Variants in PITPNC1 observed in about 807,000 individuals in gnomAD.
The protein encoded by PITPNC1 is phosphatidylinositol transfer protein cytoplasmic 1.
Under a neutral mutation model 44.7 loss-of-function variants are expected in PITPNC1, and 18 were observed. That is an observed-to-expected ratio of 0.40 (90% CI 0.28 to 0.60). PITPNC1 has a LOEUF of 0.60. Ranked by LOEUF, PITPNC1 falls within the 20% of genes least tolerant of loss-of-function variation. The probability of loss-of-function intolerance (pLI) is 0.39; values close to 1 mark genes in which losing one functional copy is unlikely to be tolerated. For synonymous variants in PITPNC1, 141 were observed against 149.6 expected (o/e 0.94, Z 0.42); for missense variants, 290 against 418.4 (o/e 0.69, Z 2.68).
In PITPNC1 at chr17:67,485,856, G is replaced by A. The variant is rs148371070; in HGVS notation, c.49-46946G>A. ...AAGCTGAAGGCTGTCTTCTGGGGGC[G>A]GCTTAAATGCATTAGATTAGTCTGC... On this transcript the variant is annotated intron_variant, in intron 1 of 8. Coordinates refer to ENST00000581322, the MANE Select transcript of PITPNC1 (RefSeq NM_012417.4). 4.6e-5 allele frequency among the ~76,000 whole-genome samples: 7 copies of A among 152,242 alleles called. No individual in the cohort carries two copies. The East Asian group carries it at 7.7e-4, about 17-fold the overall frequency.
intron 2 of PITPNC1, among the ~76,000 whole-genome samples, chr17:67,539,863 T>C (rs1012659942): frequency 1.3e-5 from 2 of 151,962 alleles, no homozygotes; most frequent in African/African-American, 4.8e-5. Flanking sequence ...CAAATGTATA[T>C]ATACACATAT....
chr17:67,453,552 G>T (rs917688525), intron 1 of PITPNC1, among the ~76,000 whole-genome samples: 1 of 152,140 alleles, frequency 6.6e-6, no homozygotes, highest in African/African-American at 2.4e-5. Flanking sequence ...ATTAGAGCAG[G>T]GGTCTGCAAA....
chr17:67,413,940 C>T (rs1407532530), intron 1 of PITPNC1, among the ~76,000 whole-genome samples: 1 of 152,128 alleles, frequency 6.6e-6, no homozygotes, highest in East Asian at 1.9e-4. Flanking sequence ...CAGGGACAAG[C>T]GTTCCAGGGA....
intron 5 of PITPNC1, among the ~76,000 whole-genome samples, chr17:67,599,027 TATATATA>T (rs1288737279): frequency 0.066 from 2,211 of 33,622 alleles, 51 homozygotes; most frequent in Non-Finnish European, 0.084. Flanking sequence ...TATATATATA[TATATATA>T]TTTTTTTTTT....
At chr17:67,432,140 A>G (rs1345072249) in intron 1 of PITPNC1, among the ~76,000 whole-genome samples, 1 of 152,210 alleles carries the variant, frequency 6.6e-6, no homozygotes, top group Admixed American at 6.5e-5. Flanking sequence ...ATGGGTGTCC[A>G]AACTTTTGGC....
chr17:67,468,012 C>T (rs2039453214), intron 1 of PITPNC1, among the ~76,000 whole-genome samples: 1 of 152,168 alleles, frequency 6.6e-6, no homozygotes, highest in Non-Finnish European at 1.5e-5. Flanking sequence ...GCAGAGAGGG[C>T]CTCTGCCCTT....
intron 7 of PITPNC1, among the ~76,000 whole-genome samples, chr17:67,670,750 C>CAAAA (rs61094990): frequency 1.8e-4 from 11 of 60,490 alleles, no homozygotes; most frequent in African/African-American, 4.3e-4. Context: ...GACTCCATCT[C>CAAAA]AAAAAAAAAA....
At chr17:67,492,713 G>A (rs960677913) in intron 1 of PITPNC1, among the ~76,000 whole-genome samples, 3 of 152,194 alleles carry the variant, frequency 2.0e-5, no homozygotes, top group Admixed American at 2.0e-4. Context: ...GATTTCTAAC[G>A]CCGGGGATAG....
At chr17:67,416,656 C>T (rs1474179019) in intron 1 of PITPNC1, among the ~76,000 whole-genome samples, 1 of 152,164 alleles carries the variant, frequency 6.6e-6, no homozygotes, top group East Asian at 1.9e-4. Flanking sequence ...GTTGCACTGG[C>T]ATAGGTTCCT....
In PITPNC1 at chr17:67,497,825, G is replaced by T. The variant is rs984787304; in HGVS notation, c.49-34977G>T. 2.7e-5 allele frequency among the ~76,000 whole-genome samples: 4 copies of T among 150,170 alleles called. No individual in the cohort carries two copies. In the East Asian group the frequency reaches 7.8e-4, roughly 29 times the overall value. On this transcript the variant is annotated intron_variant, in intron 1 of 8. Transcript: ENST00000581322. ...TTACAAGCGTGAGCCACCATGCCCA[G>T]CCTGTTTAGGTTTTTGTGCACTTGT...
At chr17:67,637,964 G>T (rs896336387) in intron 6 of PITPNC1, 2 of 151,844 alleles carry the variant, frequency 1.3e-5, no homozygotes, top group Non-Finnish European at 2.9e-5. Flanking sequence ...GCCCATAAGA[G>T]TCATAAAGCT....
intron 1 of PITPNC1, among the ~76,000 whole-genome samples, chr17:67,405,580 TACTCAA>T (rs1306259527): frequency 6.6e-6 from 1 of 152,040 alleles, no homozygotes; most frequent in African/African-American, 2.4e-5. Context: ...GTTACGAGTT[TACTCAA>T]CATTTTCTTT....
At chr17:67,429,915 G>T (rs563789091) in intron 1 of PITPNC1, among the ~76,000 whole-genome samples, 2 of 152,118 alleles carry the variant, frequency 1.3e-5, no homozygotes, top group Admixed American at 6.5e-5. Context: ...AAAACAGACC[G>T]CACTTGCTTT....
rs563789091 is a variant in PITPNC1 at position 67,429,915 on chromosome 17, G to A, written c.48+51713G>A. Among the ~76,000 whole-genome samples, 5 of 152,236 alleles carry A rather than the reference G, an allele frequency of 3.3e-5. No homozygotes were observed. The East Asian group carries it at 5.8e-4, about 18-fold the overall frequency. On this transcript the variant is annotated intron_variant, in intron 1 of 8. Coordinates refer to ENST00000581322, the MANE Select transcript of PITPNC1 (RefSeq NM_012417.4). ...AAATTTAGCTTTCTGAAAACAGACC[G>A]CACTTGCTTTGTTTTTTCCATTTGG...
intron 1 of PITPNC1, among the ~76,000 whole-genome samples, chr17:67,485,793 CA>C (rs987582659): frequency 6.6e-6 from 1 of 151,834 alleles, no homozygotes; most frequent in African/African-American, 2.4e-5. Flanking sequence ...CTTCTTCGGT[CA>C]AAAAAAGAGC....
intron 5 of PITPNC1, among the ~76,000 whole-genome samples, chr17:67,589,959 C>T (rs907531104): frequency 3.3e-5 from 5 of 151,582 alleles, no homozygotes; most frequent in African/African-American, 7.3e-5. Flanking sequence ...CAGAGTGAGA[C>T]TCTGTCTCAA....
chr17:67,676,176 C>T lies in PITPNC1; in HGVS notation c.682+634C>T, dbSNP rs2042598724. 6.6e-6 allele frequency among the ~76,000 whole-genome samples: 1 copy of T among 150,674 alleles called. No homozygotes were observed. ...GAGCCGAGATCGCACCACTGCACTC[C>T]AGCCTGGGGGACAGAGCGAGACTCC... On this transcript the variant is annotated intron_variant, in intron 8 of 8. Transcript: ENST00000581322. This position sits in a 1 kb window ranked among gnomAD's most constrained non-coding sequence, Gnocchi z 4.0.
intron 6 of PITPNC1, among the ~76,000 whole-genome samples, chr17:67,652,348 C>T (rs1018878670): frequency 1.3e-5 from 2 of 152,166 alleles, no homozygotes; most frequent in African/African-American, 4.8e-5. Context: ...ACACGGGCTG[C>T]TCAAACAAGC....
At chr17:67,447,920 C>T (rs923687836) in intron 1 of PITPNC1, among the ~76,000 whole-genome samples, 2 of 150,832 alleles carry the variant, frequency 1.3e-5, no homozygotes, top group Admixed American at 6.6e-5. Context: ...CTCTCTCTGT[C>T]TCTCTCTTTC....
Sources: gnomAD v4.1 joint callset for allele counts (sites outside exome capture counted in the v4.1 genomes callset) on GRCh38, gnomAD v4.1.1 for gene constraint, Gnocchi (gnomAD v3.1) non-coding constraint, MANE v1.5 for transcripts, NCBI Gene and HGNC (gene_info 2026-07-23, HGNC 2026-07-21) for gene names.